GRM8: variants seen among roughly 807,000 people sequenced by gnomAD.
GRM8 encodes the protein metabotropic glutamate receptor 8.
GRM8 carries 47 observed loss-of-function variants against 87.2 expected under a neutral mutation model. The ratio of observed to expected loss-of-function variants is 0.54; its 90% CI spans 0.43 to 0.69. The LOEUF is 0.69. GRM8 is among the 30% of genes least tolerant of loss of function. The probability of loss-of-function intolerance (pLI) is 0.00; values close to 1 mark genes in which losing one functional copy is unlikely to be tolerated. For missense variants in GRM8, 1,019 were observed against 1,139.2 expected (o/e 0.89, Z 1.52); for synonymous variants, 396 against 404.5 (o/e 0.98, Z 0.25).
At chr7:127,043,614 T>C (rs1272670983) in intron 3 of GRM8, among the ~76,000 whole-genome samples, 1 of 152,022 alleles carries the variant, frequency 6.6e-6, no homozygotes, top group African/African-American at 2.4e-5. Flanking sequence ...GGGCCTGTTG[T>C]AGGGTGTGGG....
chr7:126,726,735 T>C (rs143141666), intron 7 of GRM8, among the ~76,000 whole-genome samples: 208 of 152,254 alleles, frequency 1.4e-3, no homozygotes, highest in Non-Finnish European at 2.6e-3. Flanking sequence ...TAAAAATTGG[T>C]ATATCTTACT....
intron 2 of GRM8, among the ~76,000 whole-genome samples, chr7:127,222,499 A>G (rs1231943353): frequency 6.6e-6 from 1 of 152,180 alleles, no homozygotes; most frequent in Non-Finnish European, 1.5e-5. Context: ...ACATGTTCTA[A>G]CTGATGTTCT....
At position 126,919,020 on chromosome 7, in the gene GRM8, G is replaced by A. The variant is rs541839360; in HGVS notation, c.728-14337C>T. Reference sequence around the variant, plus strand: ...TAAAACTCATTCTCCTTGCAAATGCGTTATAGCTTAACCATATATAACATG... The same window carrying A: ...TAAAACTCATTCTCCTTGCAAATGCATTATAGCTTAACCATATATAACATG... On this transcript the variant is annotated intron_variant, in intron 3 of 10. Transcript: ENST00000339582. Among the ~76,000 whole-genome samples the A allele has an allele frequency of 5.5e-3, 833 of 151,990 alleles. 3 individuals are homozygous for A. The highest frequency in any genetic ancestry group is 0.013 in the African/African-American group (550 of 41,442).
intron 6 of GRM8, among the ~76,000 whole-genome samples, chr7:126,892,510 C>T (rs1366734726): frequency 1.3e-5 from 2 of 151,992 alleles, no homozygotes; most frequent in Non-Finnish European, 2.9e-5. Context: ...TGTATATGTG[C>T]CACATTTTCT....
chr7:126,955,586 A>G (rs1348408314), intron 3 of GRM8, among the ~76,000 whole-genome samples: 1 of 152,178 alleles, frequency 6.6e-6, no homozygotes, highest in Non-Finnish European at 1.5e-5. Context: ...GCTAGTATTT[A>G]TAGGTATTTG....
intron 2 of GRM8, among the ~76,000 whole-genome samples, chr7:127,190,162 A>G (rs1045369868): frequency 6.6e-6 from 1 of 152,206 alleles, no homozygotes; most frequent in African/African-American, 2.4e-5. Context: ...AGAGCAGGCT[A>G]TGCAGACATG....
intron 3 of GRM8, among the ~76,000 whole-genome samples, chr7:126,947,521 ATGTATATATAT>A (rs1807669346): frequency 1.3e-5 from 2 of 151,934 alleles, no homozygotes; most frequent in South Asian, 4.1e-4. Context: ...GTTTATCTTA[ATGTATATATAT>A]TGTATATATA....
At chr7:127,028,010 C>A (rs1816965592) in intron 3 of GRM8, among the ~76,000 whole-genome samples, 2 of 152,094 alleles carry the variant, frequency 1.3e-5, no homozygotes, top group African/African-American at 2.4e-5. Context: ...TACCTCCATA[C>A]CTAGTTTATT....
intron 3 of GRM8, among the ~76,000 whole-genome samples, chr7:127,086,217 C>T (rs923878840): frequency 1.3e-5 from 2 of 152,142 alleles, no homozygotes; most frequent in Admixed American, 1.3e-4. Flanking sequence ...TCTTCTGCCT[C>T]AGCGTCCCAA....
chr7:126,493,908 T>G lies in GRM8; in HGVS notation c.2430+39044A>C, dbSNP rs531102695. Among the ~76,000 whole-genome samples, 281 of 152,026 alleles carry G rather than the reference T, an allele frequency of 1.8e-3. 1 individual carries two copies. The highest frequency in any genetic ancestry group is 2.7e-3 in the Non-Finnish European group (183 of 67,922). ...GTAACTCAGCCCTGCCAAGTTTATG[T>G]TTTTGGGATCAGCTGGCTGTAGAAG... On this transcript the variant is annotated intron_variant, in intron 9 of 10. Coordinates refer to ENST00000339582, the MANE Select transcript of GRM8 (RefSeq NM_000845.3).
chr7:126,910,339 G>T (rs1803158864), intron 3 of GRM8, among the ~76,000 whole-genome samples: 1 of 151,606 alleles, frequency 6.6e-6, no homozygotes, highest in Non-Finnish European at 1.5e-5. Flanking sequence ...ATTGAACCTT[G>T]TCTTTCAAAT....
chr7:127,014,614 G>C (rs573483805), intron 3 of GRM8, among the ~76,000 whole-genome samples: 1 of 152,058 alleles, frequency 6.6e-6, no homozygotes, highest in African/African-American at 2.4e-5. Context: ...AAATTACCTA[G>C]GACAATGCCT....
At chr7:126,839,792 T>G (rs1181827122) in intron 6 of GRM8, among the ~76,000 whole-genome samples, 1 of 152,148 alleles carries the variant, frequency 6.6e-6, no homozygotes, top group East Asian at 1.9e-4. Context: ...TCACCTGAAG[T>G]GGTGCTTGAT....
chr7:126,794,156 C>A (rs1024265056), intron 6 of GRM8, among the ~76,000 whole-genome samples: 1 of 151,540 alleles, frequency 6.6e-6, no homozygotes, highest in African/African-American at 2.4e-5. Context: ...ACTGAAACCA[C>A]ATAAAAAATA....
chr7:126,643,739 A>C (rs1200266778), intron 7 of GRM8, among the ~76,000 whole-genome samples: 1 of 152,198 alleles, frequency 6.6e-6, no homozygotes, highest in Non-Finnish European at 1.5e-5. Flanking sequence ...TCTATTATGG[A>C]AAATTTAAAA....
At position 127,092,473 on chromosome 7, in the gene GRM8, A is replaced by G. The variant is rs530681336; in HGVS notation, c.727+14023T>C. On this transcript the variant is annotated intron_variant, in intron 3 of 10. Coordinates refer to ENST00000339582, the MANE Select transcript of GRM8 (RefSeq NM_000845.3). The stretch of plus-strand genomic sequence containing the variant: ...CACTTCAGGAGGCCAAGGCAGGTGG[A>G]TCTCTTGAGGCCAGGAGTTTGAGAT... 1.5e-4 allele frequency among the ~76,000 whole-genome samples: 23 copies of G among 152,308 alleles called. No individual in the cohort carries two copies. The South Asian group carries it at 4.4e-3, about 29-fold the overall frequency.
rs540297841 is a variant in GRM8, at chr7:126,900,363, T to C, written c.1156+2179A>G. ...GGTTTAACATCAGCATCCTCCATGA[T>C]TTAACGATCTTTGCCCCAGCATCAA... On this transcript the variant is annotated intron_variant, in intron 6 of 10. Transcript: ENST00000339582. Among the ~76,000 whole-genome samples, 75 of 152,312 alleles carry C rather than the reference T, an allele frequency of 4.9e-4. 1 individual carries two copies. Among genetic ancestry groups the C allele is most frequent in the South Asian group, 6.2e-4 (3 of 4,826 alleles).
At chr7:126,790,403 A>T (rs2151671427) in intron 6 of GRM8, among the ~76,000 whole-genome samples, 1 of 152,330 alleles carries the variant, frequency 6.6e-6, no homozygotes, top group African/African-American at 2.4e-5. Flanking sequence ...CTGTCATTTG[A>T]TAAATATAGA....
chr7:126,701,673 T>C (rs77810360), intron 7 of GRM8: 161 of 486,024 alleles, frequency 3.3e-4, no homozygotes, highest in African/African-American at 3.0e-3. Context: ...GATAGTAAAA[T>C]ATTGTGAGAA....
Sources: allele counts gnomAD v4.1 joint callset (sites outside exome capture counted in the v4.1 genomes callset), GRCh38; gene constraint gnomAD v4.1.1; transcripts MANE v1.5; gene names NCBI Gene and HGNC (gene_info 2026-07-23, HGNC 2026-07-21).